The following TCP11L1 variants were observed in gnomAD, a reference collection of about 807,000 sequenced individuals.
TCP11L1 encodes t-complex 11 like 1, also known as T-complex protein 11-like protein 1.
Under a neutral mutation model 48.9 loss-of-function variants are expected in TCP11L1, and 28 were observed. That is an observed-to-expected ratio of 0.57 (90% CI 0.42 to 0.78). The LOEUF is 0.78. Among genes scored for constraint, TCP11L1 ranks in the 30% least tolerant of loss-of-function variants. The probability of loss-of-function intolerance (pLI) is 0.00; values close to 1 mark genes in which losing one functional copy is unlikely to be tolerated. For synonymous variants in TCP11L1, 204 were observed against 231.9 expected (o/e 0.88, Z 1.09); for missense variants, 505 against 613.4 (o/e 0.82, Z 1.87).
rs547648390 is a variant in TCP11L1, at chr11:33,045,310, G to A, written c.163+1374G>A. Among the ~76,000 whole-genome samples, 10 of 149,486 alleles carry A rather than the reference G, an allele frequency of 6.7e-5. 1 individual carries two copies. In the South Asian group the frequency reaches 1.5e-3, roughly 22 times the overall value. On this transcript the variant is annotated intron_variant, in intron 2 of 9. Transcript: ENST00000334274. ...GGAGGCTGCAGTGAGCCGAGATCAC[G>A]CCACTGCACTCCCGTCTGGGTGACA...
intron 2 of TCP11L1, among the ~76,000 whole-genome samples, chr11:33,052,684 A>T (rs1217869710): frequency 1.3e-5 from 2 of 152,128 alleles, no homozygotes; most frequent in South Asian, 2.1e-4. Context: ...CATCAACTGG[A>T]GACTTGTTAG....
At position 33,072,669 on chromosome 11, in the gene TCP11L1, G is replaced by T. The variant is rs3168277; in HGVS notation, c.1523G>T (p.Arg508Leu). 1.2e-5 allele frequency: 19 copies of T among 1,614,010 alleles called. No individual in the cohort carries two copies. In the Middle Eastern group the frequency reaches 5.0e-4, roughly 42 times the overall value. The change falls in exon 10 of 10, where the codon CGA becomes CTA. Residue 508 changes from arginine (R) to leucine (L), a missense_variant. Physicochemically the swap from Arg to Leu is moderately radical, Grantham distance 102. Around this residue, in one of 3 missense-constraint regions of TCP11L1, gnomAD observed 335 missense variants for 413.3 expected, o/e 0.81. Transcript: ENST00000334274. Reference sequence around the variant, plus strand: ...GCAATCCTGAGTAAGATCCTCGTCCGATCCTAACGTGTATGCACCCTACAG... The same window carrying T: ...GCAATCCTGAGTAAGATCCTCGTCCTATCCTAACGTGTATGCACCCTACAG... ...YDAILSKILVRS is the reference protein window; with the variant it reads ...YDAILSKILVLS
intron 2 of TCP11L1, 100 bp downstream of exon 2, chr11:33,044,036 A>G: frequency 8.4e-7 from 1 of 1,185,866 alleles, no homozygotes; most frequent in Non-Finnish European, 1.2e-6. Flanking sequence ...CTAGGTTCTA[A>G]TAATATAACA....
chr11:33,068,583 C>G (rs1227357722), intron 8 of TCP11L1, 104 bp from the exon 9 acceptor site: 1 of 1,416,706 alleles, frequency 7.1e-7, no homozygotes, highest in Non-Finnish European at 9.7e-7. Flanking sequence ...CTTGAACACA[C>G]AAATCCAGTT....
chr11:33,052,532 T>C (rs10767985), intron 2 of TCP11L1, among the ~76,000 whole-genome samples: 44,719 of 151,876 alleles, frequency 0.29, 6,992 homozygotes, highest in East Asian at 0.42. Context: ...TTTTCACCAA[T>C]GTAAGAAGAT....
intron 5 of TCP11L1, among the ~76,000 whole-genome samples, chr11:33,058,435 G>A (rs1854376029): frequency 6.6e-6 from 1 of 151,842 alleles, no homozygotes; most frequent in African/African-American, 2.4e-5. Context: ...CTGACCTCAC[G>A]TGATTGGCTG....
At chr11:33,048,088 G>A (rs1854051937) in intron 2 of TCP11L1, among the ~76,000 whole-genome samples, 1 of 152,164 alleles carries the variant, frequency 6.6e-6, no homozygotes, top group Non-Finnish European at 1.5e-5. Context: ...CAGGGCATCA[G>A]TGCGCAAATG....
At chr11:33,067,358 C>T (rs968703542) in intron 8 of TCP11L1, among the ~76,000 whole-genome samples, 2 of 152,226 alleles carry the variant, frequency 1.3e-5, no homozygotes, top group Non-Finnish European at 2.9e-5. Context: ...CTCATCCTTA[C>T]AAAATGGAGG....
intron 2 of TCP11L1, among the ~76,000 whole-genome samples, chr11:33,048,120 T>C (rs1332089417): frequency 6.6e-6 from 1 of 152,206 alleles, no homozygotes; most frequent in African/African-American, 2.4e-5. Context: ...TAACAAAATT[T>C]AGCAACAACT....
At chr11:33,072,385 G>C in intron 9 of TCP11L1, 89 bp from the exon 10 acceptor site, 1 of 1,382,598 alleles carries the variant, frequency 7.2e-7, no homozygotes, top group Non-Finnish European at 1.0e-6. Flanking sequence ...CTTCCCCTAA[G>C]AGGTGATGGT....
chr11:33,052,287 G>A (rs1017276310), intron 2 of TCP11L1, among the ~76,000 whole-genome samples: 4 of 152,074 alleles, frequency 2.6e-5, no homozygotes, highest in Admixed American at 2.0e-4. Flanking sequence ...CTTTGATTTT[G>A]GATATTTACT....
In TCP11L1 at chr11:33,057,806, T is replaced by C. The variant is rs563342120; in HGVS notation, c.418-113T>C. 5.9e-5 allele frequency: 50 copies of C among 844,920 alleles called. No individual in the cohort carries two copies. In the East Asian group the frequency reaches 1.0e-3, roughly 18 times the overall value. The allele number at this position is 844,920 out of a possible 1,614,324, so 52.3% of individuals were successfully genotyped here. On this transcript the variant is annotated intron_variant, in intron 4 of 9. Coordinates refer to ENST00000334274, the MANE Select transcript of TCP11L1 (RefSeq NM_018393.4). ...GGTTTGTTGAATAAGAAGTAAAATA[T>C]GTGCAATATTACGTAGCAATTGAGA...
chr11:33,057,970 A>C lies in TCP11L1; in HGVS notation c.469A>C (p.Thr157Pro), dbSNP rs759492725. 1 of 1,614,006 alleles carries C rather than the reference A, an allele frequency of 6.2e-7. No individual in the cohort carries two copies. Among genetic ancestry groups the C allele is most frequent in the African/African-American group, 1.3e-5 (1 of 74,914 alleles). ...PGHTRLRNQI[T>P]EVLDLDLIKQ... ...TCATACTAGACTGAGAAACCAGATA[A>C]CAGAAGTCTTGGATCTGGATCTGAT... is the stretch of plus-strand genomic sequence containing the variant. Residue 157 changes from threonine (T) to proline (P), a missense_variant, in exon 5 of 10, where the codon ACA (threonine) becomes CCA (proline). Around this residue, in one of 3 missense-constraint regions of TCP11L1, gnomAD observed 168 missense variants for 183.5 expected, o/e 0.92. Transcript: ENST00000334274.
intron 2 of TCP11L1, among the ~76,000 whole-genome samples, chr11:33,047,244 T>C (rs1670347045): frequency 6.6e-6 from 1 of 151,006 alleles, no homozygotes; most frequent in Non-Finnish European, 1.5e-5. Context: ...AGAATTCTGA[T>C]GTAACCGATG....
In TCP11L1 at chr11:33,072,643, T is replaced by A; in HGVS notation, c.1497T>A (p.Asp499Glu). 4 of 1,614,162 alleles carry A rather than the reference T, an allele frequency of 2.5e-6. No individual in the cohort carries two copies. Among genetic ancestry groups the A allele is most frequent in the Non-Finnish European group, 3.4e-6 (4 of 1,180,036 alleles). ...YNKMVFCPYY[D>E]AILSKILVRS ...AGATGGTCTTCTGTCCCTACTACGA[T>A]GCAATCCTGAGTAAGATCCTCGTCC... Residue 499 changes from aspartate to glutamate, a missense_variant, in exon 10 of 10, where the codon GAT becomes GAA. Transcript: ENST00000334274.
At chr11:33,045,611 T>C (rs1411789999) in intron 2 of TCP11L1, among the ~76,000 whole-genome samples, 1 of 152,242 alleles carries the variant, frequency 6.6e-6, no homozygotes, top group East Asian at 1.9e-4. Context: ...AACCTATAGT[T>C]TCTGCTAAAG....
chr11:33,049,248 CAAAAA>C (rs3078634), intron 2 of TCP11L1, among the ~76,000 whole-genome samples: 1 of 127,748 alleles, frequency 7.8e-6, no homozygotes, highest in Non-Finnish European at 1.6e-5. Context: ...GACTCCGTCT[CAAAAA>C]AAAAAAAAAA....
intron 9 of TCP11L1, among the ~76,000 whole-genome samples, chr11:33,070,369 A>T (rs189028946): frequency 1.1e-4 from 17 of 152,306 alleles, no homozygotes; most frequent in African/African-American, 3.8e-4. Flanking sequence ...CAGCCCTGGG[A>T]ACCTTAGAGA....
At chr11:33,041,533 T>C (rs1265756421) in intron 1 of TCP11L1, among the ~76,000 whole-genome samples, 1 of 152,088 alleles carries the variant, frequency 6.6e-6, no homozygotes, top group Non-Finnish European at 1.5e-5. Context: ...GGCGGATCAC[T>C]AGAGGTCAGG....
Sources: gnomAD v4.1 joint callset for allele counts (sites outside exome capture counted in the v4.1 genomes callset) on GRCh38, gnomAD v4.1.1 for gene constraint, gnomAD v4.1.1 regional missense constraint, MANE v1.5 for transcripts, NCBI Gene and HGNC (gene_info 2026-07-23, HGNC 2026-07-21) for gene names.